The following IQCK variants were observed in gnomAD, a reference collection of about 807,000 sequenced individuals.
IQCK encodes the protein IQ domain-containing protein K.
A neutral mutation model predicts 28.1 loss-of-function variants in IQCK; 29 were observed. That is an observed-to-expected ratio of 1.03 (90% CI 0.77 to 1.41). IQCK has a LOEUF of 1.41. Among genes scored for constraint, IQCK ranks in the 40% most tolerant of loss-of-function variants. IQCK has a pLI of 0.00. For synonymous variants in IQCK, 113 were observed against 115.1 expected (o/e 0.98, Z 0.12); for missense variants, 359 against 314.7 (o/e 1.14, Z -1.07).
At chr16:19,780,266 T>A (rs2055460940) in intron 6 of IQCK, among the ~76,000 whole-genome samples, 2 of 151,978 alleles carry the variant, frequency 1.3e-5, no homozygotes, top group Admixed American at 1.3e-4. Flanking sequence ...GGTCTTGCAC[T>A]CCTGACCTCA....
chr16:19,739,814 CAAAA>C (rs34132517), intron 4 of IQCK, among the ~76,000 whole-genome samples: 1 of 144,242 alleles, frequency 6.9e-6, no homozygotes, highest in East Asian at 2.0e-4. Context: ...GACCCTGTCT[CAAAA>C]AAAAAAAGAG....
chr16:19,778,763 G>A (rs2055433113), intron 6 of IQCK, among the ~76,000 whole-genome samples: 1 of 152,168 alleles, frequency 6.6e-6, no homozygotes, highest in Admixed American at 6.5e-5. Flanking sequence ...CACACATTTG[G>A]TGTCAGAAGT....
intron 4 of IQCK, among the ~76,000 whole-genome samples, chr16:19,745,202 TTTC>T (rs1327279950): frequency 6.6e-6 from 1 of 152,186 alleles, no homozygotes; most frequent in Non-Finnish European, 1.5e-5. Context: ...TCTAGGTTAT[TTTC>T]TTTCTCTCTT....
downstream of IQCK, among the ~76,000 whole-genome samples, chr16:19,827,914 C>A (rs973204742): frequency 8.6e-5 from 13 of 151,798 alleles, no homozygotes; most frequent in African/African-American, 3.1e-4. Flanking sequence ...GAGCCGATAT[C>A]TTCTTTTTTT....
intron 6 of IQCK, among the ~76,000 whole-genome samples, chr16:19,772,388 A>G (rs1183719740): frequency 6.6e-6 from 1 of 151,780 alleles, no homozygotes. Flanking sequence ...TCCCAATTCA[A>G]AAAAACGGTA....
At chr16:19,765,704 T>C (rs917994534) in intron 6 of IQCK, among the ~76,000 whole-genome samples, 4 of 152,136 alleles carry the variant, frequency 2.6e-5, no homozygotes, top group African/African-American at 9.7e-5. Context: ...GATTACACAT[T>C]GAAAGGAGAG....
intron 3 of IQCK, among the ~76,000 whole-genome samples, chr16:19,734,513 T>C (rs1179238429): frequency 7.0e-6 from 1 of 142,724 alleles, no homozygotes; most frequent in Non-Finnish European, 1.5e-5. Flanking sequence ...CTGATAACCC[T>C]AGCTACTTGG....
chr16:19,815,989 C>T (rs2055984720), intron 7 of IQCK, among the ~76,000 whole-genome samples: 2 of 152,180 alleles, frequency 1.3e-5, no homozygotes, highest in Non-Finnish European at 2.9e-5. Context: ...AGGCATCTCA[C>T]ACCAAGTCGG....
intron 7 of IQCK, among the ~76,000 whole-genome samples, chr16:19,824,491 G>C (rs765177131): frequency 6.6e-6 from 1 of 152,220 alleles, no homozygotes; most frequent in East Asian, 1.9e-4. Context: ...GTACCAGCAT[G>C]TGGCTGCAGG....
At chr16:19,736,383 T>C (rs1187632855) in intron 4 of IQCK, among the ~76,000 whole-genome samples, 1 of 151,988 alleles carries the variant, frequency 6.6e-6, no homozygotes, top group Non-Finnish European at 1.5e-5. Context: ...CCACCTCAGC[T>C]TCCTGAGCAG....
intron 4 of IQCK, among the ~76,000 whole-genome samples, chr16:19,760,698 T>A (rs548961474): frequency 6.6e-6 from 1 of 152,192 alleles, no homozygotes; most frequent in Admixed American, 6.5e-5. Context: ...GGGAAAGGGG[T>A]CCTGATCCAG....
chr16:19,774,898 AAGAC>A (rs1174413188), intron 6 of IQCK, among the ~76,000 whole-genome samples: 14 of 152,294 alleles, frequency 9.2e-5, no homozygotes, highest in South Asian at 2.1e-4. Context: ...AGAAGAGAGA[AAGAC>A]AGAGAAGGGA....
intron 4 of IQCK, among the ~76,000 whole-genome samples, chr16:19,754,260 A>T (rs2055023624): frequency 6.6e-6 from 1 of 152,206 alleles, no homozygotes; most frequent in Non-Finnish European, 1.5e-5. Flanking sequence ...CAGGGCGTGC[A>T]CACAGTAAGT....
At chr16:19,734,366 A>G (rs371857259) in intron 3 of IQCK, among the ~76,000 whole-genome samples, 3 of 150,924 alleles carry the variant, frequency 2.0e-5, no homozygotes, top group Admixed American at 6.6e-5. Context: ...GCATGGTGGC[A>G]GGAGAATCTC....
intron 9 of IQCK, among the ~76,000 whole-genome samples, chr16:19,839,613 A>C (rs936549712): frequency 1.3e-5 from 2 of 152,174 alleles, no homozygotes; most frequent in Admixed American, 1.3e-4. Context: ...GTAGACAGTC[A>C]AGGAATACTT....
At chr16:19,737,371 A>C (rs1055978004) in intron 4 of IQCK, among the ~76,000 whole-genome samples, 6 of 152,150 alleles carry the variant, frequency 3.9e-5, no homozygotes, top group African/African-American at 1.4e-4. Context: ...ATGTTCTAGC[A>C]AATACCCGAT....
intron 6 of IQCK, among the ~76,000 whole-genome samples, chr16:19,782,667 T>C (rs370868901): frequency 6.6e-6 from 1 of 152,086 alleles, no homozygotes; most frequent in Admixed American, 6.6e-5. Flanking sequence ...GTGGATAGAA[T>C]TTTGATTCCA....
intron 1 of IQCK, among the ~76,000 whole-genome samples, chr16:19,725,719 A>G (rs778001701): frequency 6.6e-6 from 1 of 152,214 alleles, no homozygotes; most frequent in Non-Finnish European, 1.5e-5. Context: ...GAAAACTGAC[A>G]TTCTCAAATA....
At chr16:19,798,989 T>G (rs2055722981) in intron 7 of IQCK, among the ~76,000 whole-genome samples, 1 of 38,944 alleles carries the variant, frequency 2.6e-5, no homozygotes, top group Non-Finnish European at 3.7e-5. Context: ...ATATAAGGGA[T>G]CCTCTCACCT....
Sources: allele counts gnomAD v4.1 joint callset (sites outside exome capture counted in the v4.1 genomes callset), GRCh38; gene constraint gnomAD v4.1.1; transcripts MANE v1.5; gene names NCBI Gene and HGNC (gene_info 2026-07-23, HGNC 2026-07-21).